Variants in VSIG10L2 observed in about 807,000 individuals in gnomAD.
The protein encoded by VSIG10L2 is V-set and immunoglobulin domain containing 10 like 2.
In VSIG10L2, 56 loss-of-function variants were observed where a neutral mutation model predicts 67.1. The observed-to-expected ratio is 0.83, with a 90% CI of 0.67 to 1.04. VSIG10L2 has a LOEUF of 1.04. Among genes scored for constraint, VSIG10L2 ranks in the 50% least tolerant of loss-of-function variants. The pLI is 0.00. For missense variants in VSIG10L2, 843 were observed against 932.8 expected (o/e 0.90, Z 1.25); for synonymous variants, 360 against 396.6 (o/e 0.91, Z 1.10).
At chr11:125,947,548 T>G in intron 1 of VSIG10L2, 138 bp from the exon 2 acceptor site, 7 of 1,230,644 alleles carry the variant, frequency 5.7e-6, no homozygotes, top group Non-Finnish European at 7.1e-6. Flanking sequence ...ACTCCAGAAG[T>G]GCTTTTATGT....
In VSIG10L2 at chr11:125,955,093, G is replaced by A; in HGVS notation, c.2120G>A (p.Gly707Asp). 8.1e-7 allele frequency: 1 copy of A among 1,239,510 alleles called. No individual in the cohort carries two copies. The highest frequency in any genetic ancestry group is 1.0e-6 in the Non-Finnish European group (1 of 992,690). The allele number at this position is 1,239,510 out of a possible 1,614,324, so 76.8% of individuals were successfully genotyped here. A position where few individuals can be genotyped will look rare whatever the true frequency, so the allele number is the denominator to read the frequency against. ...TTCAGCGCCTACCCAGCGGTGTTGG[G>A]TGCAGCAGGCACGGGAATGGTGGTA... ...PPFSAYPAVLGAAGTGMVVAT... is the reference protein window; with the variant it reads ...PPFSAYPAVLDAAGTGMVVAT... The change falls in exon 9 of 12, where the codon GGT becomes GAT. Residue 707 changes from glycine to aspartate, a missense_variant. By Grantham distance (94) the Gly-to-Asp change is moderately conservative (BLOSUM62 -1). Transcript: ENST00000686984.
chr11:125,953,797 T>C, intron 7 of VSIG10L2, 107 bp downstream of exon 7: 1 of 1,136,048 alleles, frequency 8.8e-7, no homozygotes, highest in South Asian at 4.6e-5. Flanking sequence ...CTCCAAAATT[T>C]GGACGCTTGA....
In VSIG10L2 at chr11:125,955,067, C is replaced by T. The variant is rs375533786; in HGVS notation, c.2094C>T (p.Pro698=). 1.7e-5 allele frequency: 21 copies of T among 1,235,462 alleles called. No individual in the cohort carries two copies. The African/African-American group carries it at 2.2e-4, about 13-fold the overall frequency. The allele number at this position is 1,235,462 out of a possible 1,614,324, so 76.5% of individuals were successfully genotyped here. A position where few individuals can be genotyped will look rare whatever the true frequency, so the allele number is the denominator to read the frequency against. Residue 698 remains proline (P), a synonymous_variant, in exon 9 of 12, where the codon CCC becomes CCT. Coordinates refer to ENST00000686984, the MANE Select transcript of VSIG10L2 (RefSeq NM_001365077.2). ...GCTCTCCCCTCCTAGCGGACCCCCC[C>T]TTCAGCGCCTACCCAGCGGTGTTGG... ...PSEVKIPADP[P]FSAYPAVLGA...
intron 9 of VSIG10L2, 22 bp downstream of exon 9, chr11:125,955,201 C>G: frequency 8.0e-7 from 1 of 1,255,500 alleles, no homozygotes; most frequent in Admixed American, 3.8e-5. Context: ...TCGGAAGGGA[C>G]GGGCTGCTTG....
rs1232799945 is a variant in VSIG10L2, at chr11:125,955,623, G to A, written c.2240G>A (p.Arg747Lys). 3 of 1,530,716 alleles carry A rather than the reference G, an allele frequency of 2.0e-6. No individual in the cohort carries two copies. In the East Asian group the frequency reaches 7.4e-5, roughly 38 times the overall value. 94.8% of individuals were successfully genotyped at this position (1,530,716 alleles called of 1,614,324 possible). A position where few individuals can be genotyped will look rare whatever the true frequency, so the allele number is the denominator to read the frequency against. The part of the protein sequence containing the change: ...LGQLLVPTEQ[R>K]HQQRGSREDA... Reference sequence around the variant, plus strand: ...TCCCACTTCACTCTCAGGGAGCAAAGGCACCAACAGAGGGGTTCCAGAGAA... The same window carrying A: ...TCCCACTTCACTCTCAGGGAGCAAAAGCACCAACAGAGGGGTTCCAGAGAA... Residue 747 changes from arginine (R) to lysine (K), a missense_variant, in exon 11 of 12, where the codon AGG (arginine) becomes AAG (lysine). This residue lies in a region of VSIG10L2 where 397 missense variants were observed against 384.4 expected (regional missense o/e 1.03). Transcript: ENST00000686984.
At position 125,956,179 on chromosome 11, in the gene VSIG10L2, G is replaced by C. The variant is rs1945470945; in HGVS notation, c.*265G>C. The C allele has an allele frequency of 6.5e-6, 4 of 614,034 alleles. No homozygotes were observed. Among genetic ancestry groups the C allele is most frequent in the Non-Finnish European group, 6.1e-6 (2 of 329,954 alleles). The allele number at this position is 614,034 out of a possible 1,614,324, so 38.0% of individuals were successfully genotyped here. ...CCACAATGGGGAGACAGGGATCTCT[G>C]GGTGTCTGAGGGCAAGTGAAAGCCA... On this transcript the variant is annotated 3_prime_UTR_variant, in exon 12 of 12. Transcript: ENST00000686984.
In VSIG10L2 at chr11:125,948,069, C is replaced by T. The variant is rs924647897; in HGVS notation, c.433+33C>T. On this transcript the variant is annotated intron_variant, in intron 2 of 11. Coordinates refer to ENST00000686984, the MANE Select transcript of VSIG10L2 (RefSeq NM_001365077.2). ...CCTGGCCCCAGCTGCAGCTGGTCCGCGGGCTGCTTTGGATTTCTCTGGAAG... is the reference window on the plus strand; with the variant it reads ...CCTGGCCCCAGCTGCAGCTGGTCCGTGGGCTGCTTTGGATTTCTCTGGAAG... 1.9e-5 allele frequency: 23 copies of T among 1,232,346 alleles called. No homozygotes were observed. In the South Asian group the frequency reaches 3.7e-4, roughly 20 times the overall value. 76.3% of individuals were successfully genotyped at this position (1,232,346 alleles called of 1,614,324 possible). A position where few individuals can be genotyped will look rare whatever the true frequency, so the allele number is the denominator to read the frequency against.
intron 9 of VSIG10L2, 56 bp downstream of exon 9, chr11:125,955,235 G>A: frequency 7.8e-7 from 1 of 1,289,998 alleles, no homozygotes. Flanking sequence ...GCCAGGCCCT[G>A]ACCTATCCAA....
Position 125,956,245 on chromosome 11 carries a change from A to C in VSIG10L2, c.*331A>C, listed in dbSNP as rs1945472378. 2 of 519,226 alleles carry C rather than the reference A, an allele frequency of 3.9e-6. No individual in the cohort carries two copies. The highest frequency in any genetic ancestry group is 2.9e-4 in the Middle Eastern group (1 of 3,410). The allele number at this position is 519,226 out of a possible 1,614,324, so 32.2% of individuals were successfully genotyped here. A position where few individuals can be genotyped will look rare whatever the true frequency, so the allele number is the denominator to read the frequency against. On this transcript the variant is annotated 3_prime_UTR_variant, in exon 12 of 12. Transcript: ENST00000686984. ...TCTGTGGTGCTATAGAAGTATGAGCAAGCTAGCTGCTTCCAGAAAAAAAGT... is the reference window on the plus strand; with the variant it reads ...TCTGTGGTGCTATAGAAGTATGAGCCAGCTAGCTGCTTCCAGAAAAAAAGT...
chr11:125,956,022 A>G lies in VSIG10L2; in HGVS notation c.*108A>G. The G allele has an allele frequency of 1.5e-6, 1 of 662,238 alleles. No homozygotes were observed. Among genetic ancestry groups the G allele is most frequent in the South Asian group, 1.7e-5 (1 of 60,240 alleles). 41.0% of individuals were successfully genotyped at this position (662,238 alleles called of 1,614,324 possible). A position where few individuals can be genotyped will look rare whatever the true frequency, so the allele number is the denominator to read the frequency against. On this transcript the variant is annotated 3_prime_UTR_variant, in exon 12 of 12. Coordinates refer to ENST00000686984, the MANE Select transcript of VSIG10L2 (RefSeq NM_001365077.2). ...AACCAACGTAGCTAAGACACCAACT[A>G]CCACTTTCACTTAATACCCAGTCTT...
Position 125,953,591 on chromosome 11 carries a change from A to T in VSIG10L2, c.1687A>T (p.Ile563Phe). The change falls in exon 7 of 12, where the codon ATC becomes TTC. Residue 563 changes from isoleucine to phenylalanine, a missense_variant. Coordinates refer to ENST00000686984, the MANE Select transcript of VSIG10L2 (RefSeq NM_001365077.2). ...TGAGGGTGCCCAGCTGCGCCTGGGCATCTACGATGCTGACCCGGCACACCA... is the reference window on the plus strand; with the variant it reads ...TGAGGGTGCCCAGCTGCGCCTGGGCTTCTACGATGCTGACCCGGCACACCA... ...HPEGAQLRLGIYDADPAHHRG... is the reference protein window; with the variant it reads ...HPEGAQLRLGFYDADPAHHRG... The T allele has an allele frequency of 1.6e-6, 2 of 1,232,212 alleles. No individual in the cohort carries two copies. The highest frequency in any genetic ancestry group is 2.0e-6 in the Non-Finnish European group (2 of 988,004). The allele number at this position is 1,232,212 out of a possible 1,614,324, so 76.3% of individuals were successfully genotyped here.
intron 2 of VSIG10L2, 44 bp from the exon 3 acceptor site, chr11:125,948,261 C>A: frequency 8.1e-7 from 1 of 1,232,252 alleles, no homozygotes; most frequent in South Asian, 4.1e-5. Context: ...TGGGCGTGTC[C>A]TGGGTCTGTA....
At chr11:125,949,951 G>A (rs1945343748) in intron 3 of VSIG10L2, 63 bp from the exon 4 acceptor site, 6 of 1,224,816 alleles carry the variant, frequency 4.9e-6, no homozygotes, top group South Asian at 8.5e-5. Context: ...ATTCAGAGAT[G>A]AGCATGTGCG....
In VSIG10L2 at chr11:125,949,970, G is replaced by A. The variant is rs573187303; in HGVS notation, c.710-44G>A. On this transcript the variant is annotated intron_variant, in intron 3 of 11. Coordinates refer to ENST00000686984, the MANE Select transcript of VSIG10L2 (RefSeq NM_001365077.2). ...AGAGATGAGCATGTGCGTGAATGAA[G>A]GAATGAAGCTGGGGAGGTGTAACTG... 14 of 1,231,992 alleles carry A rather than the reference G, an allele frequency of 1.1e-5. No individual in the cohort carries two copies. The Admixed American group carries it at 5.5e-4, about 48-fold the overall frequency. The allele number at this position is 1,231,992 out of a possible 1,614,324, so 76.3% of individuals were successfully genotyped here.
chr11:125,949,904 C>G, intron 3 of VSIG10L2, 110 bp from the exon 4 acceptor site: 1 of 1,110,450 alleles, frequency 9.0e-7, no homozygotes. Context: ...TGGACACGGG[C>G]CAGTGCATAC....
intron 7 of VSIG10L2, among the ~76,000 whole-genome samples, 195 bp from the exon 8 acceptor site, chr11:125,953,892 T>C (rs975103005): frequency 2.0e-5 from 3 of 152,196 alleles, no homozygotes; most frequent in African/African-American, 7.2e-5. Flanking sequence ...CAGAACGCCA[T>C]GCAGGCAGGA....
chr11:125,955,038 C>T lies in VSIG10L2; in HGVS notation c.2084-19C>T, dbSNP rs1410774810. ...CTGCAGTGGCTCTAAACCATGGAAC[C>T]TGTGCTCTCCCCTCCTAGCGGACCC... On this transcript the variant is annotated intron_variant, in intron 8 of 11. Coordinates refer to ENST00000686984, the MANE Select transcript of VSIG10L2 (RefSeq NM_001365077.2). 4 of 1,234,036 alleles carry T rather than the reference C, an allele frequency of 3.2e-6. No homozygotes were observed. The highest frequency in any genetic ancestry group is 4.0e-6 in the Non-Finnish European group (4 of 989,426). 76.4% of individuals were successfully genotyped at this position (1,234,036 alleles called of 1,614,324 possible).
chr11:125,948,272 A>G lies in VSIG10L2; in HGVS notation c.434-33A>G, dbSNP rs570224455. The G allele has an allele frequency of 5.7e-6, 7 of 1,232,318 alleles. No homozygotes were observed. The South Asian group carries it at 2.5e-4, about 43-fold the overall frequency. 76.3% of individuals were successfully genotyped at this position (1,232,318 alleles called of 1,614,324 possible). On this transcript the variant is annotated intron_variant, in intron 2 of 11. Coordinates refer to ENST00000686984, the MANE Select transcript of VSIG10L2 (RefSeq NM_001365077.2). The stretch of plus-strand genomic sequence containing the variant: ...CAGCTGGGCGTGTCCTGGGTCTGTA[A>G]TAACACAGCGGGCCTCTCCCTCCTC...
chr11:125,953,177 A>C (rs1945401292), intron 6 of VSIG10L2, among the ~76,000 whole-genome samples: 1 of 152,032 alleles, frequency 6.6e-6, no homozygotes, highest in Admixed American at 6.6e-5. Flanking sequence ...AACAGGGAGG[A>C]ACACTGCTGA....
Sources: allele counts gnomAD v4.1 joint callset (sites outside exome capture counted in the v4.1 genomes callset), GRCh38; gene constraint gnomAD v4.1.1; regional missense constraint gnomAD v4.1.1; transcripts MANE v1.5; gene names NCBI Gene and HGNC (gene_info 2026-07-23, HGNC 2026-07-21).